The following PTPRT variants were observed in gnomAD, a reference collection of about 807,000 sequenced individuals.
PTPRT encodes protein tyrosine phosphatase receptor type T, also known as receptor-type tyrosine-protein phosphatase T.
In PTPRT, 56 loss-of-function variants were observed where a neutral mutation model predicts 176.8. That is an observed-to-expected ratio of 0.32 (90% CI 0.26 to 0.40). The LOEUF (loss-of-function observed/expected upper bound fraction) is 0.40, where lower values mean the gene tolerates loss of function less well. Among genes scored for constraint, PTPRT ranks in the 10% least tolerant of loss-of-function variants. The pLI is 1.00. For synonymous variants in PTPRT, 783 were observed against 739.0 expected (o/e 1.06, Z -0.96); for missense variants, 1,540 against 1,908.2 (o/e 0.81, Z 3.60).
intron 7 of PTPRT, among the ~76,000 whole-genome samples, chr20:42,602,331 A>C (rs2073796698): frequency 6.6e-6 from 1 of 152,032 alleles, no homozygotes; most frequent in Non-Finnish European, 1.5e-5. Flanking sequence ...TTCCATTAAG[A>C]CCCTCATGCT....
At chr20:42,484,944 C>T (rs1568920909) in intron 7 of PTPRT, among the ~76,000 whole-genome samples, 2 of 152,148 alleles carry the variant, frequency 1.3e-5, no homozygotes, top group Non-Finnish European at 2.9e-5. Context: ...CTTGATCTTC[C>T]CTCTCTGCCC....
At chr20:42,761,447 AT>A (rs1219899357) in intron 5 of PTPRT, among the ~76,000 whole-genome samples, 8 of 151,208 alleles carry the variant, frequency 5.3e-5, no homozygotes, top group Non-Finnish European at 8.8e-5. Flanking sequence ...AAAAAAAAAA[AT>A]AAAACAAATA....
chr20:43,072,011 G>C (rs2011187698), intron 1 of PTPRT, among the ~76,000 whole-genome samples: 1 of 152,158 alleles, frequency 6.6e-6, no homozygotes, highest in Non-Finnish European at 1.5e-5. Flanking sequence ...ATATGATCTA[G>C]CTCTCTAGAC....
intron 6 of PTPRT, among the ~76,000 whole-genome samples, chr20:42,715,668 C>T (rs4810369): frequency 0.07 from 10,594 of 152,084 alleles, 488 homozygotes; most frequent in Admixed American, 0.11. Flanking sequence ...CGTGACAGTG[C>T]AGAAAAATAT....
intron 16 of PTPRT, among the ~76,000 whole-genome samples, chr20:42,197,930 C>A (rs1261563751): frequency 6.6e-6 from 1 of 152,154 alleles, no homozygotes; most frequent in East Asian, 1.9e-4. Context: ...ATAGCTATTG[C>A]CTCTGTCCAA....
At chr20:43,065,393 C>T (rs2011104461) in intron 1 of PTPRT, among the ~76,000 whole-genome samples, 1 of 152,202 alleles carries the variant, frequency 6.6e-6, no homozygotes, top group African/African-American at 2.4e-5. Flanking sequence ...ACTCACATTT[C>T]ACTGGCCAGA....
At chr20:42,421,244 A>T (rs1340075262) in intron 9 of PTPRT, among the ~76,000 whole-genome samples, 4 of 147,774 alleles carry the variant, frequency 2.7e-5, no homozygotes, top group Admixed American at 6.9e-5. Context: ...ACCCCCTAAC[A>T]TACACACACA....
At chr20:42,161,203 G>T in intron 17 of PTPRT, 149 bp downstream of exon 17, 1 of 803,080 alleles carries the variant, frequency 1.2e-6, no homozygotes, top group Non-Finnish European at 2.0e-6. Context: ...CAGTAGGGAG[G>T]GATGGGGCCT....
chr20:42,141,350 C>T (rs1988617164), intron 18 of PTPRT, among the ~76,000 whole-genome samples: 1 of 152,238 alleles, frequency 6.6e-6, no homozygotes. Flanking sequence ...GCCAGAGTTA[C>T]TGGCTTCTTC....
chr20:42,786,365 T>C (rs927413925), intron 3 of PTPRT, among the ~76,000 whole-genome samples: 5 of 152,190 alleles, frequency 3.3e-5, no homozygotes, highest in Admixed American at 1.3e-4. Flanking sequence ...TTCTGAATGA[T>C]GACAGGATAC....
In PTPRT at chr20:42,328,728, T is replaced by C. The variant is rs796682829; in HGVS notation, c.1866-12732A>G. On this transcript the variant is annotated intron_variant, in intron 11 of 30. Coordinates refer to ENST00000373187, the MANE Select transcript of PTPRT (RefSeq NM_007050.6). ...GAGAAATTTGCTGGAGGTCTAGTGTTTGAGGTTGGAATTTAGACAAAAAGT... is the reference window on the plus strand; with the variant it reads ...GAGAAATTTGCTGGAGGTCTAGTGTCTGAGGTTGGAATTTAGACAAAAAGT... 1.2e-4 allele frequency among the ~76,000 whole-genome samples: 15 copies of C among 120,932 alleles called. 1 individual carries two copies. The highest frequency in any genetic ancestry group is 4.6e-4 in the African/African-American group (13 of 28,066). 79.3% of individuals were successfully genotyped at this position (120,932 alleles called of 152,430 possible).
intron 13 of PTPRT, among the ~76,000 whole-genome samples, chr20:42,272,719 GCGCA>G (rs1020488252): frequency 1.3e-4 from 13 of 100,526 alleles, no homozygotes; most frequent in African/African-American, 4.7e-4. Flanking sequence ...ACACACGTGC[GCGCA>G]CACACACACA....
chr20:42,035,833 A>C, the PTPRT span, among the ~76,000 whole-genome samples: 1 of 152,228 alleles, frequency 6.6e-6, no homozygotes, highest in South Asian at 2.1e-4. Context: ...CCCTTAAACT[A>C]GAATGATGCC....
At chr20:42,654,451 C>A (rs1250035795) in intron 7 of PTPRT, among the ~76,000 whole-genome samples, 1 of 152,142 alleles carries the variant, frequency 6.6e-6, no homozygotes, top group Non-Finnish European at 1.5e-5. Flanking sequence ...TGAGAACATC[C>A]CACACCAGAC....
intron 16 of PTPRT, among the ~76,000 whole-genome samples, chr20:42,170,458 C>A (rs79543571): frequency 0.011 from 1,621 of 152,094 alleles, 32 homozygotes; most frequent in African/African-American, 0.036. Flanking sequence ...AGACTTTTCC[C>A]AAAATAGATC....
At chr20:42,600,796 T>C (rs1027385380) in intron 7 of PTPRT, among the ~76,000 whole-genome samples, 1 of 152,210 alleles carries the variant, frequency 6.6e-6, no homozygotes, top group Non-Finnish European at 1.5e-5. Flanking sequence ...TTTTATTCTT[T>C]TATGGCCGAA....
intron 6 of PTPRT, among the ~76,000 whole-genome samples, chr20:42,703,296 C>T (rs921777400): frequency 5.9e-5 from 9 of 151,960 alleles, no homozygotes; most frequent in Non-Finnish European, 1.3e-4. Flanking sequence ...TTAGCTCACA[C>T]TGGAAGCCAG....
intron 9 of PTPRT, among the ~76,000 whole-genome samples, chr20:42,380,226 C>T (rs2058686311): frequency 6.6e-6 from 1 of 152,208 alleles, no homozygotes; most frequent in African/African-American, 2.4e-5. Context: ...CTCTCTCTAG[C>T]TCCCTGTGGA....
intron 7 of PTPRT, among the ~76,000 whole-genome samples, chr20:42,565,536 G>A (rs1480085698): frequency 6.6e-6 from 1 of 151,940 alleles, no homozygotes; most frequent in African/African-American, 2.4e-5. Context: ...ATCAATGAGG[G>A]CCCTTAGAGG....
Sources: gnomAD v4.1 joint callset for allele counts (sites outside exome capture counted in the v4.1 genomes callset) on GRCh38, gnomAD v4.1.1 for gene constraint, MANE v1.5 for transcripts, NCBI Gene and HGNC (gene_info 2026-07-23, HGNC 2026-07-21) for gene names.